SOS1: variants seen among roughly 807,000 people sequenced by gnomAD.
The protein encoded by SOS1 is SOS Ras/Rac guanine nucleotide exchange factor 1, also known as son of sevenless homolog 1.
In SOS1, 25 loss-of-function variants were observed where a neutral mutation model predicts 157.6. The ratio of observed to expected loss-of-function variants is 0.16; its 90% CI spans 0.12 to 0.22. The LOEUF is 0.22. Ranked by LOEUF, SOS1 falls within the 10% of genes least tolerant of loss-of-function variation. SOS1 has a pLI of 1.00. For synonymous variants in SOS1, 528 were observed against 534.0 expected, an observed-to-expected ratio of 0.99 and a Z score of 0.16; for missense variants, 1,237 against 1,599.1, an observed-to-expected ratio of 0.77 and a Z score of 3.86.
intron 15 of SOS1, among the ~76,000 whole-genome samples, chr2:39,009,601 A>G (rs988600709): frequency 3.3e-5 from 5 of 152,250 alleles, no homozygotes; most frequent in African/African-American, 1.2e-4. Flanking sequence ...TATGTTGCCA[A>G]TAATACACAA....
Position 38,985,916 on chromosome 2 carries a change from T to C in SOS1, c.3910A>G (p.Lys1304Glu). The C allele has an allele frequency of 1.2e-6, 2 of 1,613,902 alleles. No homozygotes were observed. Among genetic ancestry groups the C allele is most frequent in the Non-Finnish European group, 1.7e-6 (2 of 1,179,868 alleles). Residue 1304 changes from lysine (K) to glutamate (E), a missense_variant, in exon 23 of 23, where the codon AAA (lysine) becomes GAA (glutamate). Lys to Glu is a moderately conservative substitution (Grantham distance 56, BLOSUM62 1). Coordinates refer to ENST00000402219, the MANE Select transcript of SOS1 (RefSeq NM_005633.4). ...PRQSTSQHIP[K>E]LPPKTYKREH... is the part of the protein sequence containing the mutation. ...CTTTTGTAAGTTTTTGGAGGGAGTT[T>C]AGGGATATGTTGAGAAGTGCTTTGT...
At chr2:39,054,562 A>C (rs1377922857) in intron 5 of SOS1, 52 bp downstream of exon 5, 2 of 1,045,970 alleles carry the variant, frequency 1.9e-6, no homozygotes, top group East Asian at 2.4e-5. Flanking sequence ...TGAAGTGGTC[A>C]TGCAAATTTC....
chr2:39,065,380 T>C, intron 2 of SOS1, among the ~76,000 whole-genome samples: 1 of 152,192 alleles, frequency 6.6e-6, no homozygotes, highest in East Asian at 1.9e-4. Flanking sequence ...CTGCTACCAT[T>C]CTGTCCAACT....
upstream of SOS1, among the ~76,000 whole-genome samples, chr2:39,123,192 G>C (rs1039983317): frequency 6.6e-6 from 1 of 151,978 alleles, no homozygotes; most frequent in Non-Finnish European, 1.5e-5. Flanking sequence ...ACCTCCAAGA[G>C]GCCTTCTCCG....
Position 39,023,983 on chromosome 2 carries a change from G to T in SOS1, c.1202+27C>A, listed in dbSNP as rs755547104. 3.9e-6 allele frequency: 6 copies of T among 1,534,104 alleles called. No individual in the cohort carries two copies. The South Asian group carries it at 6.7e-5, about 17-fold the overall frequency. ...ACACCACAATATTCAGGGAAAAAAG[G>T]ATATTTTAAAAAGTAAAAATATTCA... is the stretch of plus-strand genomic sequence containing the variant. On this transcript the variant is annotated intron_variant, in intron 9 of 22. Coordinates refer to ENST00000402219, the MANE Select transcript of SOS1 (RefSeq NM_005633.4).
chr2:39,004,037 G>A (rs1190410787), intron 17 of SOS1, among the ~76,000 whole-genome samples: 1 of 152,146 alleles, frequency 6.6e-6, no homozygotes, highest in African/African-American at 2.4e-5. Flanking sequence ...ACTGCCCCCT[G>A]CTGAGAATCA....
chr2:39,117,869 C>A (rs1673712615), intron 1 of SOS1, among the ~76,000 whole-genome samples: 1 of 152,172 alleles, frequency 6.6e-6, no homozygotes. Flanking sequence ...ACATTTTAAA[C>A]CAGTCAAATG....
intron 1 of SOS1, among the ~76,000 whole-genome samples, chr2:39,093,762 A>G (rs1163001321): frequency 6.6e-6 from 1 of 152,160 alleles, no homozygotes; most frequent in African/African-American, 2.4e-5. Context: ...TTTGAATGTG[A>G]TGGAGTGGCA....
At position 39,023,090 on chromosome 2, in the gene SOS1, C is replaced by T; in HGVS notation, c.1338G>A (p.Met446Ile). Residue 446 changes from methionine (M) to isoleucine (I), a missense_variant, in exon 10 of 23, where the codon ATG becomes ATA. Physicochemically the swap from Met to Ile is conservative, Grantham distance 10. This residue lies in a region of SOS1 where 210 missense variants were observed against 220.2 expected (regional missense o/e 0.95). Transcript: ENST00000402219. The part of the protein sequence containing the change: ...DIGQCCNEFI[M>I]EGTLTRVGAK... ...CTCCTACACGTGTAAGAGTTCCTTC[C>T]ATTATAAATTCATTACAACACTGTC... 6.2e-7 allele frequency: 1 copy of T among 1,613,640 alleles called. No homozygotes were observed.
rs374341202 is a variant in SOS1 at position 38,985,969 on chromosome 2, G to C, written c.3857C>G (p.Ser1286Cys). ...TGGAGGAACAGGCGGCCCAGCAATG[G>C]AATGAAGGTCCACTTCTTGTGTCAA... ...PPLTQEVDLH[S>C]IAGPPVPPRQ... Residue 1286 changes from serine to cysteine, a missense_variant, in exon 23 of 23, where the codon TCC (serine) becomes TGC (cysteine). Physicochemically the swap from Ser to Cys is moderately radical, Grantham distance 112. Transcript: ENST00000402219. 6.2e-7 allele frequency: 1 copy of C among 1,613,976 alleles called. No individual in the cohort carries two copies. Among genetic ancestry groups the C allele is most frequent in the Admixed American group, 1.7e-5 (1 of 60,002 alleles).
intron 1 of SOS1, among the ~76,000 whole-genome samples, chr2:39,099,241 C>T (rs1672880094): frequency 6.6e-6 from 1 of 152,132 alleles, no homozygotes; most frequent in South Asian, 2.1e-4. Context: ...ATGTAGTATA[C>T]ATCAATGCAA....
upstream of SOS1, among the ~76,000 whole-genome samples, chr2:39,122,963 G>T (rs925446608): frequency 6.6e-6 from 1 of 152,122 alleles, no homozygotes; most frequent in African/African-American, 2.4e-5. Flanking sequence ...ATTGCTCTTA[G>T]AATACATTTC....
chr2:39,028,693 A>G (rs113067821), intron 8 of SOS1, among the ~76,000 whole-genome samples: 24 of 152,374 alleles, frequency 1.6e-4, no homozygotes, highest in African/African-American at 5.8e-4. Context: ...ATTCCATAGA[A>G]CAGGTAAATT....
rs144459166 is a variant in SOS1, at chr2:39,103,866, A to T, written c.87+16470T>A. Among the ~76,000 whole-genome samples, 427 of 152,374 alleles carry T rather than the reference A, an allele frequency of 2.8e-3. 3 individuals are homozygous for T. The highest frequency in any genetic ancestry group is 9.8e-3 in the African/African-American group (408 of 41,586). On this transcript the variant is annotated intron_variant, in intron 1 of 22. Coordinates refer to ENST00000402219, the MANE Select transcript of SOS1 (RefSeq NM_005633.4). ...AAGAAACTAAAAAGATAAACTTTTG[A>T]TTGGGTTTAAATGAGAGAAAATATT...
chr2:39,057,810 C>G (rs1048962130), intron 3 of SOS1, among the ~76,000 whole-genome samples: 3 of 152,030 alleles, frequency 2.0e-5, no homozygotes, highest in Non-Finnish European at 4.4e-5. Context: ...ATTCAAAGAA[C>G]TGAATGCAAA....
chr2:39,120,992 A>ACCGCCGCCG lies in SOS1; in HGVS notation c.-579_-571dup, dbSNP rs898169157. 1.1e-5 allele frequency: 2 copies of ACCGCCGCCG among 175,796 alleles called. No individual in the cohort carries two copies. Among genetic ancestry groups the ACCGCCGCCG allele is most frequent in the Non-Finnish European group, 1.2e-5 (1 of 86,068 alleles). 10.9% of individuals were successfully genotyped at this position (175,796 alleles called of 1,614,324 possible). A position where few individuals can be genotyped will look rare whatever the true frequency, so the allele number is the denominator to read the frequency against. ...AGGTGCCGCCGCGGCCGCCGCCGCC[A>ACCGCCGCCG]CCGCCGCCGCCGGTGTAGCGCTGGA... On this transcript the variant is annotated 5_prime_UTR_variant, in exon 1 of 23. Coordinates refer to ENST00000402219, the MANE Select transcript of SOS1 (RefSeq NM_005633.4).
chr2:38,994,585 C>T (rs1668833566), intron 20 of SOS1, among the ~76,000 whole-genome samples: 2 of 152,176 alleles, frequency 1.3e-5, no homozygotes, highest in South Asian at 4.1e-4. Context: ...GTGTTCTGGA[C>T]TTCAGAATAT....
chr2:39,017,436 G>A (rs1216412199), intron 10 of SOS1, among the ~76,000 whole-genome samples: 1 of 151,976 alleles, frequency 6.6e-6, no homozygotes, highest in African/African-American at 2.4e-5. Flanking sequence ...CTCTTGATCA[G>A]CCTTATTCTA....
intron 1 of SOS1, among the ~76,000 whole-genome samples, chr2:39,102,640 T>C (rs1673014479): frequency 1.3e-5 from 2 of 150,850 alleles, no homozygotes; most frequent in South Asian, 4.2e-4. Flanking sequence ...GTTATATAGA[T>C]TCTGGAAAAG....
Sources: allele counts gnomAD v4.1 joint callset (sites outside exome capture counted in the v4.1 genomes callset), GRCh38; gene constraint gnomAD v4.1.1; regional missense constraint gnomAD v4.1.1; transcripts MANE v1.5; gene names NCBI Gene and HGNC (gene_info 2026-07-23, HGNC 2026-07-21).